Variants in TSKS observed in about 807,000 individuals in gnomAD.
TSKS encodes testis specific serine kinase substrate, also known as testis-specific serine kinase substrate.
TSKS carries 27 observed loss-of-function variants against 68.0 expected under a neutral mutation model. The ratio of observed to expected loss-of-function variants is 0.40; its 90% confidence interval spans 0.29 to 0.55. The LOEUF is 0.55. Among genes scored for constraint, TSKS ranks in the 20% least tolerant of loss-of-function variants. The pLI is 0.53. For missense variants in TSKS, 806 were observed against 776.0 expected (o/e 1.04, Z -0.46); for synonymous variants, 331 against 340.4 (o/e 0.97, Z 0.30).
intron 4 of TSKS, 71 bp downstream of exon 4, chr19:49,748,014 C>T (rs1162612833): frequency 2.8e-6 from 4 of 1,454,286 alleles, no homozygotes; most frequent in Non-Finnish European, 3.9e-6. Context: ...CAGCCTCCTC[C>T]CCTCTTTCTC....
rs2084317517 is a variant in TSKS, at chr19:49,748,065, C to T, written c.579+20G>A. The T allele has an allele frequency of 3.3e-5, 54 of 1,612,404 alleles. No homozygotes were observed. The East Asian group carries it at 1.2e-3, about 36-fold the overall frequency. ...TCCCATTCCCCTCTCCCCATCCATTCCTGCGTCCCACTGGCTCACCTTGAG... is the reference window on the plus strand; with the variant it reads ...TCCCATTCCCCTCTCCCCATCCATTTCTGCGTCCCACTGGCTCACCTTGAG... On this transcript the variant is annotated intron_variant, in intron 4 of 10. Coordinates refer to ENST00000246801, the MANE Select transcript of TSKS (RefSeq NM_021733.2).
In TSKS at chr19:49,747,387, AC is replaced by A; in HGVS notation, c.663+1del. On this transcript the variant is annotated splice_donor_variant, in intron 5 of 10. Transcript: ENST00000246801. LOFTEE classifies it high-confidence loss of function. The stretch of plus-strand genomic sequence containing the variant: ...ATCCTGGGACTGCCCCCTAGCCCTT[AC>A]CTCCAGCAGGGCAGAATTCTGCTTC... The A allele has an allele frequency of 6.2e-7, 1 of 1,613,988 alleles. No individual in the cohort carries two copies. Among genetic ancestry groups the A allele is most frequent in the African/African-American group, 1.3e-5 (1 of 74,998 alleles).
rs1358492333 is a variant in TSKS at position 49,744,389 on chromosome 19, T to C, written c.1203A>G (p.Ala401=). 6.2e-7 allele frequency: 1 copy of C among 1,613,866 alleles called. No homozygotes were observed. Among genetic ancestry groups the C allele is most frequent in the South Asian group, 1.1e-5 (1 of 91,080 alleles). ...CGCTCCTCAGTGAAGCCACAGACACTGCTGACCGCTCCACCCTGAGGCATG... is the reference window on the plus strand; with the variant it reads ...CGCTCCTCAGTGAAGCCACAGACACCGCTGACCGCTCCACCCTGAGGCATG... ...DELCTMVERS[A]VSVASLRSEL... The change falls in exon 8 of 11, where the codon GCA becomes GCG. Residue 401 remains alanine, a synonymous_variant. Coordinates refer to ENST00000246801, the MANE Select transcript of TSKS (RefSeq NM_021733.2).
At chr19:49,742,091 C>T (rs1332465331) in intron 8 of TSKS, 71 bp from the exon 9 acceptor site, 47 of 1,558,884 alleles carry the variant, frequency 3.0e-5, no homozygotes, top group Middle Eastern at 4.2e-4. Flanking sequence ...CCCATGCTCA[C>T]CTGTGGAGCC....
chr19:49,753,903 G>A (rs1286401547), intron 2 of TSKS, among the ~76,000 whole-genome samples: 1 of 122,002 alleles, frequency 8.2e-6, no homozygotes, highest in Non-Finnish European at 1.7e-5. Flanking sequence ...TTTTTTTTTT[G>A]AGACAGAGTC....
chr19:49,740,521 T>C (rs2084243402), intron 9 of TSKS, among the ~76,000 whole-genome samples: 1 of 152,188 alleles, frequency 6.6e-6, no homozygotes, highest in African/African-American at 2.4e-5. Flanking sequence ...TTCTACCACA[T>C]GGTGACCTCC....
At position 49,739,799 on chromosome 19, in the gene TSKS, CCT is replaced by C. The variant is rs781535276; in HGVS notation, c.1754_1755del (p.Gln585ArgfsTer6). ...GGSSAGTPPK[Q>X]GGSAPEQ ...ATTTATTGTTCAGGGGCTGAGCCCC[CCT>C]GTTTTGGGGGGGTTCCTGCACTGCT... is the stretch of plus-strand genomic sequence containing the variant. On this transcript the variant is annotated frameshift_variant, in exon 11 of 11. Transcript: ENST00000246801. LOFTEE classifies it high-confidence loss of function. 37 of 1,545,404 alleles carry C rather than the reference CCT, an allele frequency of 2.4e-5. No homozygotes were observed. The highest frequency in any genetic ancestry group is 1.5e-4 in the African/African-American group (11 of 73,208).
chr19:49,745,332 G>T lies in TSKS; in HGVS notation c.1057C>A (p.Arg353=), dbSNP rs1224368377. The T allele has an allele frequency of 1.9e-6, 3 of 1,600,720 alleles. No individual in the cohort carries two copies. The highest frequency in any genetic ancestry group is 2.2e-5 in the South Asian group (2 of 90,294). The change falls in exon 7 of 11, where the codon CGG becomes AGG. Residue 353 remains arginine (R), a synonymous_variant. Transcript: ENST00000246801. ...QEEGAVQEAL[R]LLGGLGGRVD... ...CTGCCGCCCAGGCCCCCGAGCAGCC[G>T]CAGGGCTTCCTGCACCGCCCCCTCC...
rs2084312027 is a variant in TSKS at position 49,747,377 on chromosome 19, C to A, written c.663+12G>T. 6.2e-7 allele frequency: 1 copy of A among 1,614,162 alleles called. No individual in the cohort carries two copies. Reference sequence around the variant, plus strand: ...CCTCCCACAAATCCTGGGACTGCCCCCTAGCCCTTACCTCCAGCAGGGCAG... The same window carrying A: ...CCTCCCACAAATCCTGGGACTGCCCACTAGCCCTTACCTCCAGCAGGGCAG... On this transcript the variant is annotated intron_variant, in intron 5 of 10. Coordinates refer to ENST00000246801, the MANE Select transcript of TSKS (RefSeq NM_021733.2).
chr19:49,740,654 C>T (rs1391378845), intron 9 of TSKS, among the ~76,000 whole-genome samples: 19 of 149,970 alleles, frequency 1.3e-4, no homozygotes, highest in African/African-American at 4.2e-4. Flanking sequence ...GAGGTCGACA[C>T]GGGTGGATCA....
intron 2 of TSKS, among the ~76,000 whole-genome samples, chr19:49,760,456 G>T (rs1234376060): frequency 6.6e-6 from 1 of 151,806 alleles, no homozygotes; most frequent in Non-Finnish European, 1.5e-5. Context: ...CAGTAGCTGG[G>T]ACTACAGGCG....
chr19:49,751,899 C>CA (rs61310693), intron 2 of TSKS, among the ~76,000 whole-genome samples: 1,738 of 41,652 alleles, frequency 0.042, 80 homozygotes, highest in African/African-American at 0.087. Flanking sequence ...CCCAACTCTA[C>CA]AAAAAAAAAA....
chr19:49,740,146 G>A lies in TSKS; in HGVS notation c.1535C>T (p.Ala512Val), dbSNP rs754311124. 3 of 1,613,990 alleles carry A rather than the reference G, an allele frequency of 1.9e-6. No homozygotes were observed. The South Asian group carries it at 3.3e-5, about 18-fold the overall frequency. The change falls in exon 10 of 11, where the codon GCA becomes GTA. Residue 512 changes from alanine to valine, a missense_variant. By Grantham distance (64) the Ala-to-Val change is moderately conservative. Transcript: ENST00000246801. ...ERQALAKHVR[A>V]EALSSTLRLA... is the part of the protein sequence containing the mutation. ...CCGAAGGGTGGAGCTCAGGGCCTCT[G>A]CCCTGACGTGTTTGGCTAAGGCCTG... is the stretch of plus-strand genomic sequence containing the variant.
rs778012760 is a variant in TSKS, at chr19:49,748,050, C to T, written c.579+35G>A. Reference sequence around the variant, plus strand: ...CCACCCTCTTCTTACTCCCATTCCCCTCTCCCCATCCATTCCTGCGTCCCA... The same window carrying T: ...CCACCCTCTTCTTACTCCCATTCCCTTCTCCCCATCCATTCCTGCGTCCCA... On this transcript the variant is annotated intron_variant, in intron 4 of 10. Coordinates refer to ENST00000246801, the MANE Select transcript of TSKS (RefSeq NM_021733.2). 1.2e-5 allele frequency: 19 copies of T among 1,597,716 alleles called. No homozygotes were observed. The Admixed American group carries it at 3.0e-4, about 25-fold the overall frequency.
chr19:49,744,523 GC>G, intron 7 of TSKS, 119 bp from the exon 8 acceptor site: 1 of 975,366 alleles, frequency 1.0e-6, no homozygotes, highest in Non-Finnish European at 1.5e-6. Flanking sequence ...TCTCCACCCT[GC>G]CCTCCCCTCT....
rs1195440584 is a variant in TSKS at position 49,748,455 on chromosome 19, A to C, written c.414T>G (p.Ser138Arg). ...DITEILSGVN[S>R]GLVRAKDSIT... ...TGGAGTCTTTGGCGCGGACCAATCC[A>C]CTGTTGACCCCACTCTGGGGAAGAA... The change falls in exon 3 of 11, where the codon AGT becomes AGG. Residue 138 changes from serine (S) to arginine (R), a missense_variant. Coordinates refer to ENST00000246801, the MANE Select transcript of TSKS (RefSeq NM_021733.2). 4 of 1,613,992 alleles carry C rather than the reference A, an allele frequency of 2.5e-6. No homozygotes were observed. In the African/African-American group the frequency reaches 5.3e-5, roughly 22 times the overall value.
chr19:49,762,311 C>T, intron 1 of TSKS, 79 bp from the exon 2 acceptor site: 1 of 1,097,750 alleles, frequency 9.1e-7, no homozygotes, highest in Non-Finnish European at 1.3e-6. Flanking sequence ...TTCTCCATAC[C>T]TCACCCCCTG....
chr19:49,745,322 C>T lies in TSKS; in HGVS notation c.1067G>A (p.Gly356Glu), dbSNP rs1398668429. The change falls in exon 7 of 11, where the codon GGG becomes GAG. Residue 356 changes from glycine (G) to glutamate (E), a missense_variant. By Grantham distance (98) the Gly-to-Glu change is moderately conservative. Transcript: ENST00000246801. ...GCCGTCGACCCTGCCGCCCAGGCCC[C>T]CGAGCAGCCGCAGGGCTTCCTGCAC... Reference protein sequence around the residue: ...GAVQEALRLLGGLGGRVDGFL... With the variant: ...GAVQEALRLLEGLGGRVDGFL... 1 of 1,602,654 alleles carries T rather than the reference C, an allele frequency of 6.2e-7. No homozygotes were observed. Among genetic ancestry groups the T allele is most frequent in the Non-Finnish European group, 8.5e-7 (1 of 1,178,704 alleles).
intron 2 of TSKS, among the ~76,000 whole-genome samples, chr19:49,758,826 T>C (rs745905810): frequency 2.6e-5 from 4 of 151,926 alleles, no homozygotes; most frequent in Non-Finnish European, 5.9e-5. Flanking sequence ...CTTGACCTTG[T>C]GGAGGTTACT....
Sources: gnomAD v4.1 joint callset for allele counts (sites outside exome capture counted in the v4.1 genomes callset) on GRCh38, gnomAD v4.1.1 for gene constraint, MANE v1.5 for transcripts, NCBI Gene and HGNC (gene_info 2026-07-23, HGNC 2026-07-21) for gene names.